The following FAM133B variants were observed in gnomAD, a reference collection of about 807,000 sequenced individuals.
The protein encoded by FAM133B is protein FAM133B.
In FAM133B, 25 loss-of-function variants were observed where a neutral mutation model predicts 46.4. That is an observed-to-expected ratio of 0.54 (90% CI 0.39 to 0.75). FAM133B has a LOEUF of 0.75. Among genes scored for constraint, FAM133B ranks in the 30% least tolerant of loss-of-function variants. The pLI is 0.00. For missense variants in FAM133B, 205 were observed against 277.6 expected, an observed-to-expected ratio of 0.74 and a Z score of 1.86; for synonymous variants, 75 against 86.0, an observed-to-expected ratio of 0.87 and a Z score of 0.71.
intron 3 of FAM133B, among the ~76,000 whole-genome samples, chr7:92,578,941 C>T (rs962154641): frequency 6.6e-6 from 1 of 152,014 alleles, no homozygotes; most frequent in Non-Finnish European, 1.5e-5. Flanking sequence ...CCCAGCTGCT[C>T]AGGAGGCTGA....
At position 92,562,387 on chromosome 7, in the gene FAM133B, G is replaced by A. The variant is rs1267893250; in HGVS notation, c.658-19C>T. The stretch of plus-strand genomic sequence containing the variant: ...TTTTTTCCTGTAAAGATAATTCCAT[G>A]TTAGACATTACTATATAAAAATACG... On this transcript the variant is annotated intron_variant, in intron 10 of 10. Coordinates refer to ENST00000445716, the MANE Select transcript of FAM133B (RefSeq NM_152789.4). The A allele has an allele frequency of 2.0e-6, 3 of 1,523,874 alleles. No homozygotes were observed. The highest frequency in any genetic ancestry group is 2.8e-5 in the African/African-American group (2 of 71,972). The allele number at this position is 1,523,874 out of a possible 1,614,324, so 94.4% of individuals were successfully genotyped here. A position where few individuals can be genotyped will look rare whatever the true frequency, so the allele number is the denominator to read the frequency against.
intron 1 of FAM133B, chr7:92,589,924 T>A: frequency 5.0e-6 from 2 of 398,610 alleles, no homozygotes; most frequent in South Asian, 6.0e-5. Context: ...TCTTCGGAGT[T>A]ACATGGCGGG....
chr7:92,590,093 G>A lies in FAM133B; in HGVS notation c.24+175C>T, dbSNP rs766747519. 1.3e-4 allele frequency: 112 copies of A among 837,780 alleles called. 1 individual carries two copies. Among genetic ancestry groups the A allele is most frequent in the South Asian group, 6.2e-4 (36 of 58,004 alleles). 51.9% of individuals were successfully genotyped at this position (837,780 alleles called of 1,614,324 possible). ...AAGAGAGAGCTGGGAACCCTAAAGC[G>A]CCAACTGCGTGCGCGGCGCACGCGC... is the stretch of plus-strand genomic sequence containing the variant. On this transcript the variant is annotated intron_variant, in intron 1 of 10. Transcript: ENST00000445716.
chr7:92,564,871 T>C (rs759331541), intron 10 of FAM133B, among the ~76,000 whole-genome samples: 4 of 152,238 alleles, frequency 2.6e-5, no homozygotes, highest in Admixed American at 6.5e-5. Context: ...TCTATTTTCC[T>C]TAATTCGCCT....
At chr7:92,583,437 G>C (rs542152969) in intron 1 of FAM133B, among the ~76,000 whole-genome samples, 1 of 152,312 alleles carries the variant, frequency 6.6e-6, no homozygotes, top group East Asian at 1.9e-4. Flanking sequence ...TATATAGTTA[G>C]AAACAGTTAA....
rs182970414 is a variant in FAM133B at position 92,586,505 on chromosome 7, A to G, written c.24+3763T>C. Among the ~76,000 whole-genome samples, 20 of 152,344 alleles carry G rather than the reference A, an allele frequency of 1.3e-4. No homozygotes were observed. The East Asian group carries it at 3.9e-3, about 29-fold the overall frequency. On this transcript the variant is annotated intron_variant, in intron 1 of 10. Transcript: ENST00000445716. ...GTTAAGCATTCACTAAAATATAGAG[A>G]TTGTGCAATTTCTTGAAACATTTCA...
In FAM133B at chr7:92,581,521, C is replaced by T. The variant is rs1316443843; in HGVS notation, c.107G>A (p.Arg36Gln). 2.5e-6 allele frequency: 4 copies of T among 1,613,384 alleles called. No individual in the cohort carries two copies. The highest frequency in any genetic ancestry group is 1.3e-5 in the African/African-American group (1 of 75,016). The change falls in exon 2 of 11, where the codon CGA becomes CAA. Residue 36 changes from arginine to glutamine, a missense_variant. Arg to Gln is a conservative substitution (Grantham distance 43, BLOSUM62 1). Coordinates refer to ENST00000445716, the MANE Select transcript of FAM133B (RefSeq NM_152789.4). ...TCACAAATACCAGGTAGGCCTTGGT[C>T]GATTCAGATAATCCTGTATTGTTGG... ...SGPTIQDYLN[R>Q]PRPTWEEVKE...
chr7:92,584,392 T>G (rs1354726713), intron 1 of FAM133B, among the ~76,000 whole-genome samples: 1 of 152,226 alleles, frequency 6.6e-6, no homozygotes, highest in Non-Finnish European at 1.5e-5. Flanking sequence ...CCCACCTTTA[T>G]AACAGATAAA....
chr7:92,584,444 A>C (rs1794982406), intron 1 of FAM133B, among the ~76,000 whole-genome samples: 1 of 152,210 alleles, frequency 6.6e-6, no homozygotes, highest in Admixed American at 6.5e-5. Context: ...TAAACAATAT[A>C]AAACCAGCAT....
chr7:92,579,981 T>C (rs1794819206), intron 2 of FAM133B, among the ~76,000 whole-genome samples: 1 of 152,226 alleles, frequency 6.6e-6, no homozygotes, highest in Admixed American at 6.5e-5. Flanking sequence ...GGAGGATTCT[T>C]ACTATTCTCT....
At chr7:92,579,800 G>A (rs1794812626) in intron 2 of FAM133B, among the ~76,000 whole-genome samples, 1 of 152,142 alleles carries the variant, frequency 6.6e-6, no homozygotes, top group East Asian at 1.9e-4. Context: ...TTCAGTGTTA[G>A]GATGCCCTGA....
intron 10 of FAM133B, 95 bp from the exon 11 acceptor site, chr7:92,562,463 C>A: frequency 2.8e-6 from 4 of 1,439,682 alleles, no homozygotes; most frequent in Admixed American, 2.7e-5. Flanking sequence ...TAATTCCAAA[C>A]AATCCACACA....
intron 7 of FAM133B, among the ~76,000 whole-genome samples, chr7:92,576,265 A>G (rs563924108): frequency 1.3e-5 from 2 of 152,150 alleles, no homozygotes; most frequent in Non-Finnish European, 2.9e-5. Context: ...TTACTTCCTG[A>G]AGTTGTTGAG....
At chr7:92,576,683 A>G (rs1794706789) in intron 7 of FAM133B, among the ~76,000 whole-genome samples, 1 of 152,218 alleles carries the variant, frequency 6.6e-6, no homozygotes, top group Admixed American at 6.5e-5. Context: ...TCTGACCAGT[A>G]ATGTTTGAAA....
chr7:92,581,650 T>A, intron 1 of FAM133B, 47 bp from the exon 2 acceptor site: 1 of 1,453,278 alleles, frequency 6.9e-7, no homozygotes, highest in African/African-American at 1.4e-5. Context: ...TCATTAAACA[T>A]GCAAAACCTC....
At position 92,590,258 on chromosome 7, in the gene FAM133B, G is replaced by C. The variant is rs371107112; in HGVS notation, c.24+10C>G. On this transcript the variant is annotated intron_variant, in intron 1 of 10. Transcript: ENST00000445716. ...GCGTCGCCCCACTGTTTTCCCGGCTGAGTACTCACCACCCGATTGTCCCGC... is the reference window on the plus strand; with the variant it reads ...GCGTCGCCCCACTGTTTTCCCGGCTCAGTACTCACCACCCGATTGTCCCGC... 76 of 1,613,594 alleles carry C rather than the reference G, an allele frequency of 4.7e-5. No homozygotes were observed. Among genetic ancestry groups the C allele is most frequent in the Non-Finnish European group, 6.3e-5 (74 of 1,179,692 alleles).
At chr7:92,571,987 T>C (rs2116391488) in intron 8 of FAM133B, among the ~76,000 whole-genome samples, 1 of 152,310 alleles carries the variant, frequency 6.6e-6, no homozygotes, top group South Asian at 2.1e-4. Flanking sequence ...TACCACTGTA[T>C]TTTCTAATTG....
At chr7:92,586,189 T>A (rs542746381) in intron 1 of FAM133B, among the ~76,000 whole-genome samples, 4 of 152,344 alleles carry the variant, frequency 2.6e-5, no homozygotes, top group South Asian at 2.1e-4. Context: ...TAAGGCTTAC[T>A]TTTAAGCTTT....
At chr7:92,564,363 T>C (rs1198101592) in intron 10 of FAM133B, among the ~76,000 whole-genome samples, 1 of 152,218 alleles carries the variant, frequency 6.6e-6, no homozygotes, top group African/African-American at 2.4e-5. Flanking sequence ...TTTGTACTCT[T>C]AAGACTTAGA....
Sources: gnomAD v4.1 joint callset for allele counts (sites outside exome capture counted in the v4.1 genomes callset) on GRCh38, gnomAD v4.1.1 for gene constraint, MANE v1.5 for transcripts, NCBI Gene and HGNC (gene_info 2026-07-23, HGNC 2026-07-21) for gene names.